PAK1: variants seen among roughly 807,000 people sequenced by gnomAD.
The protein encoded by PAK1 is serine/threonine-protein kinase PAK 1.
PAK1 carries 29 observed loss-of-function variants against 67.4 expected under a neutral mutation model. The observed-to-expected ratio is 0.43, with a 90% CI of 0.32 to 0.59. PAK1 has a LOEUF of 0.59. Ranked by LOEUF, PAK1 falls within the 20% of genes least tolerant of loss-of-function variation. PAK1 has a pLI of 0.07. For synonymous variants in PAK1, 223 were observed against 237.4 expected (o/e 0.94, Z 0.56); for missense variants, 337 against 670.7 (o/e 0.50, Z 5.50).
chr11:77,335,530 A>C (rs1942540499), intron 13 of PAK1, among the ~76,000 whole-genome samples: 1 of 152,120 alleles, frequency 6.6e-6, no homozygotes, highest in Admixed American at 6.5e-5. Context: ...CTAGTCCTTT[A>C]ATTTCCTGAA....
At chr11:77,488,434 C>A in the PAK1 span, among the ~76,000 whole-genome samples, 2 of 152,078 alleles carry the variant, frequency 1.3e-5, no homozygotes, top group African/African-American at 4.8e-5. Flanking sequence ...ATGAGATCAC[C>A]AAATGAACTA....
chr11:77,521,252 G>A, the PAK1 span, among the ~76,000 whole-genome samples: 4 of 152,072 alleles, frequency 2.6e-5, no homozygotes, highest in African/African-American at 9.7e-5. Flanking sequence ...ATGTGAGGCC[G>A]GGTGCAGTGG....
intron 14 of PAK1, among the ~76,000 whole-genome samples, chr11:77,331,235 C>T (rs1406854410): frequency 6.6e-6 from 1 of 152,180 alleles, no homozygotes; most frequent in African/African-American, 2.4e-5. Context: ...GGCAATTCCT[C>T]AGGGATCTAG....
intron 10 of PAK1, among the ~76,000 whole-genome samples, chr11:77,342,332 T>C (rs1477021398): frequency 6.6e-6 from 1 of 152,202 alleles, no homozygotes. Flanking sequence ...GGTAAAGATA[T>C]GATTAATAAA....
intron 1 of PAK1, among the ~76,000 whole-genome samples, chr11:77,401,090 T>C (rs1952618663): frequency 6.6e-6 from 1 of 152,216 alleles, no homozygotes. Context: ...ACCTGTTCCA[T>C]ATACTAATCA....
At chr11:77,405,674 GACACACACACACACACAC>G (rs1555167119) in intron 1 of PAK1, among the ~76,000 whole-genome samples, 1 of 125,892 alleles carries the variant, frequency 7.9e-6, no homozygotes, top group Non-Finnish European at 1.8e-5. Flanking sequence ...CAGACAGACA[GACACACACACACACACAC>G]ACACACACAC....
At chr11:77,420,668 T>C (rs569093248) in intron 1 of PAK1, among the ~76,000 whole-genome samples, 25 of 152,340 alleles carry the variant, frequency 1.6e-4, no homozygotes, top group Admixed American at 2.0e-4. Flanking sequence ...TTTACTGTTA[T>C]CACCTTGGTC....
intron 7 of PAK1, among the ~76,000 whole-genome samples, 157 bp downstream of exon 7, chr11:77,355,511 G>A (rs1945895416): frequency 6.6e-6 from 1 of 152,142 alleles, no homozygotes; most frequent in Non-Finnish European, 1.5e-5. Context: ...TGTGAGACAG[G>A]GAAGGGAGGT....
the PAK1 span, among the ~76,000 whole-genome samples, chr11:77,494,891 C>T: frequency 3.4e-4 from 51 of 152,132 alleles, no homozygotes; most frequent in East Asian, 1.4e-3. Flanking sequence ...AGGCTGGGCG[C>T]GGTGGCTCAC....
chr11:77,492,645 T>C, the PAK1 span, among the ~76,000 whole-genome samples: 1 of 151,146 alleles, frequency 6.6e-6, no homozygotes, highest in Middle Eastern at 3.2e-3. Context: ...GGGCTTAAGG[T>C]ATCCTCCTTG....
intron 1 of PAK1, among the ~76,000 whole-genome samples, chr11:77,401,408 T>C (rs1164585345): frequency 6.6e-6 from 1 of 152,188 alleles, no homozygotes; most frequent in East Asian, 1.9e-4. Flanking sequence ...GGAAAGCTAC[T>C]TTACTTTCTG....
chr11:77,351,703 A>G (rs1002395054), intron 8 of PAK1, among the ~76,000 whole-genome samples: 8 of 151,994 alleles, frequency 5.3e-5, no homozygotes, highest in Non-Finnish European at 1.2e-4. Flanking sequence ...GAACCTCCCT[A>G]TATTATGCAA....
At chr11:77,463,384 G>A (rs1006085677) in intron 1 of PAK1, among the ~76,000 whole-genome samples, 11 of 151,918 alleles carry the variant, frequency 7.2e-5, no homozygotes, top group East Asian at 5.8e-4. Flanking sequence ...AATTTTTAAC[G>A]TACATAAAAT....
At chr11:77,484,539 C>T in the PAK1 span, among the ~76,000 whole-genome samples, 2 of 152,142 alleles carry the variant, frequency 1.3e-5, no homozygotes, top group Non-Finnish European at 2.9e-5. Flanking sequence ...AATTAGGTTC[C>T]ACCAATTAGA....
chr11:77,361,532 G>A (rs73501440), intron 5 of PAK1, among the ~76,000 whole-genome samples: 4,365 of 152,194 alleles, frequency 0.029, 197 homozygotes, highest in African/African-American at 0.098. Flanking sequence ...AACCACTGGA[G>A]GACTGTGAGT....
chr11:77,369,474 G>T (rs1313455958), intron 5 of PAK1, among the ~76,000 whole-genome samples: 2 of 113,642 alleles, frequency 1.8e-5, no homozygotes, highest in Admixed American at 1.2e-4. Context: ...TTGAGATGGA[G>T]TCTCGCTTCG....
the PAK1 span, among the ~76,000 whole-genome samples, chr11:77,489,730 C>T: frequency 2.3e-3 from 354 of 151,210 alleles, no homozygotes; most frequent in Admixed American, 3.8e-3. Context: ...GGATTGCAGA[C>T]GAAGTCTCGT....
chr11:77,470,779 C>T (rs1159785734), intron 1 of PAK1, among the ~76,000 whole-genome samples: 1 of 152,164 alleles, frequency 6.6e-6, no homozygotes, highest in Non-Finnish European at 1.5e-5. Context: ...ACTTGCAAAA[C>T]CAACTTGCAA....
intron 1 of PAK1, among the ~76,000 whole-genome samples, chr11:77,403,960 G>A (rs1354080689): frequency 6.6e-6 from 1 of 152,056 alleles, no homozygotes; most frequent in Non-Finnish European, 1.5e-5. Context: ...AAGAGAGTGG[G>A]TTCCTGATCA....
Sources: allele counts gnomAD v4.1 joint callset (sites outside exome capture counted in the v4.1 genomes callset), GRCh38; gene constraint gnomAD v4.1.1; transcripts MANE v1.5; gene names NCBI Gene and HGNC (gene_info 2026-07-23, HGNC 2026-07-21).